KCNMA1: variants seen among roughly 807,000 people sequenced by gnomAD.
The protein encoded by KCNMA1 is potassium calcium-activated channel subfamily M alpha 1.
KCNMA1 carries 29 observed loss-of-function variants against 140.0 expected under a neutral mutation model. The ratio of observed to expected loss-of-function variants is 0.21; its 90% CI spans 0.15 to 0.28. The LOEUF is 0.28. Among genes scored for constraint, KCNMA1 ranks in the 10% least tolerant of loss-of-function variants. KCNMA1 has a pLI of 1.00. For missense variants in KCNMA1, 880 were observed against 1,602.2 expected (o/e 0.55, Z 7.70); for synonymous variants, 612 against 611.9 (o/e 1.00, Z 0.00).
chr10:76,996,942 C>A (rs891741591), intron 19 of KCNMA1, among the ~76,000 whole-genome samples: 28 of 152,108 alleles, frequency 1.8e-4, no homozygotes, highest in African/African-American at 6.3e-4. Context: ...AATTAACTCT[C>A]CTTTAACAGG....
Position 77,544,150 on chromosome 10 carries a change from C to CTCTG in KCNMA1, c.378+93114_378+93115insCAGA, listed in dbSNP as rs1555434748. Among the ~76,000 whole-genome samples, 1,051 of 142,550 alleles carry CTCTG rather than the reference C, an allele frequency of 7.4e-3. 9 individuals carry two copies. The highest frequency in any genetic ancestry group is 0.014 in the African/African-American group (550 of 38,214). The allele number at this position is 142,550 out of a possible 152,430, so 93.5% of individuals were successfully genotyped here. ...ATCTGTGATCTACATATCTTTCCAG[C>CTCTG]TGTGTGTGTGTGTGTGTGTGTGTGT... On this transcript the variant is annotated intron_variant, in intron 1 of 27. Transcript: ENST00000286628.
chr10:76,948,005 T>G (rs970891877), intron 22 of KCNMA1, among the ~76,000 whole-genome samples: 4 of 150,900 alleles, frequency 2.7e-5, no homozygotes, highest in African/African-American at 9.8e-5. Context: ...GTTTCTTGTT[T>G]TGTTTTTGTT....
At chr10:77,024,859 G>A (rs1033244282) in intron 16 of KCNMA1, among the ~76,000 whole-genome samples, 6 of 152,076 alleles carry the variant, frequency 3.9e-5, no homozygotes, top group Non-Finnish European at 7.4e-5. Flanking sequence ...AAAAATAGAA[G>A]TGTAAGGGCT....
chr10:77,224,256 G>A (rs1443177435), intron 3 of KCNMA1, among the ~76,000 whole-genome samples: 1 of 152,202 alleles, frequency 6.6e-6, no homozygotes, highest in African/African-American at 2.4e-5. Flanking sequence ...ATGGCCCATA[G>A]CCCCAGACTG....
At chr10:77,082,324 G>A (rs552569375) in intron 12 of KCNMA1, among the ~76,000 whole-genome samples, 28 of 152,072 alleles carry the variant, frequency 1.8e-4, no homozygotes, top group Non-Finnish European at 3.4e-4. Context: ...ACTGAGCCCC[G>A]CCCTTGACCA....
chr10:77,501,676 T>C (rs1406903311), intron 1 of KCNMA1, among the ~76,000 whole-genome samples: 1 of 152,194 alleles, frequency 6.6e-6, no homozygotes, highest in African/African-American at 2.4e-5. Context: ...CCCTCGTCTC[T>C]GCAGAAGAGA....
chr10:77,237,147 C>G (rs1219944095), intron 3 of KCNMA1, among the ~76,000 whole-genome samples: 1 of 152,156 alleles, frequency 6.6e-6, no homozygotes, highest in Non-Finnish European at 1.5e-5. Flanking sequence ...CAAAACAGAC[C>G]TCAAAAAGAA....
intron 23 of KCNMA1, among the ~76,000 whole-genome samples, chr10:76,935,669 A>G (rs2060373008): frequency 6.6e-6 from 1 of 152,196 alleles, no homozygotes; most frequent in Admixed American, 6.5e-5. Flanking sequence ...ACAAATTTTG[A>G]GGAGTAAACT....
chr10:76,882,814 T>A (rs1346883678), downstream of KCNMA1, among the ~76,000 whole-genome samples: 1 of 152,170 alleles, frequency 6.6e-6, no homozygotes, highest in African/African-American at 2.4e-5. Context: ...TGGGAGACAG[T>A]CAGCCAGTGT....
At chr10:77,580,603 G>A (rs888446909) in intron 1 of KCNMA1, among the ~76,000 whole-genome samples, 15 of 152,172 alleles carry the variant, frequency 9.9e-5, no homozygotes, top group African/African-American at 3.1e-4. Flanking sequence ...ACACTTCTAG[G>A]AGGTAGGTGT....
chr10:77,632,201 AT>A (rs970972650), intron 1 of KCNMA1, among the ~76,000 whole-genome samples: 5 of 151,934 alleles, frequency 3.3e-5, no homozygotes, highest in Non-Finnish European at 7.4e-5. Context: ...ATGCCTGCTG[AT>A]TTTTTTTCAC....
chr10:77,600,874 C>T (rs771814722), intron 1 of KCNMA1, among the ~76,000 whole-genome samples: 3 of 152,202 alleles, frequency 2.0e-5, no homozygotes, highest in Non-Finnish European at 4.4e-5. Flanking sequence ...CCAAGGGCTT[C>T]TGTTCCAGTC....
chr10:77,023,808 A>G (rs2093125291), intron 16 of KCNMA1, among the ~76,000 whole-genome samples: 1 of 152,158 alleles, frequency 6.6e-6, no homozygotes, highest in Non-Finnish European at 1.5e-5. Flanking sequence ...ACAACTAGAC[A>G]CACACACTTT....
intron 1 of KCNMA1, among the ~76,000 whole-genome samples, chr10:77,580,258 G>A (rs1243302117): frequency 6.6e-6 from 1 of 151,852 alleles, no homozygotes; most frequent in African/African-American, 2.4e-5. Flanking sequence ...GCGGGCGCCT[G>A]TAGTCCCAGC....
In KCNMA1 at chr10:77,338,416, C is replaced by T. The variant is rs569982160; in HGVS notation, c.540+65446G>A. 2.5e-4 allele frequency among the ~76,000 whole-genome samples: 38 copies of T among 152,286 alleles called. 1 individual carries two copies. The South Asian group carries it at 3.7e-3, about 15-fold the overall frequency. ...CAGGGTGGGGCTTTTTCTCTTTGCC[C>T]GGGATGGCTCTGCCTCCATCTCTCT... is the stretch of plus-strand genomic sequence containing the variant. On this transcript the variant is annotated intron_variant, in intron 2 of 27. Transcript: ENST00000286628.
chr10:77,146,649 C>T (rs1419322483), intron 5 of KCNMA1, among the ~76,000 whole-genome samples: 3 of 122,696 alleles, frequency 2.4e-5, no homozygotes, highest in African/African-American at 9.3e-5. Flanking sequence ...TTGCAGTGAG[C>T]GGAGATGGTG....
intron 1 of KCNMA1, among the ~76,000 whole-genome samples, chr10:77,570,669 A>T (rs1448298627): frequency 6.6e-6 from 1 of 150,612 alleles, no homozygotes; most frequent in South Asian, 2.1e-4. Context: ...GCGCACCAGC[A>T]TGGCACATGT....
intron 23 of KCNMA1, among the ~76,000 whole-genome samples, chr10:76,918,125 T>C (rs2053741772): frequency 6.6e-6 from 1 of 152,166 alleles, no homozygotes; most frequent in South Asian, 2.1e-4. Flanking sequence ...TCTCTCTACA[T>C]TAAACAACGC....
At chr10:77,257,670 G>A (rs1200931420) in intron 2 of KCNMA1, among the ~76,000 whole-genome samples, 2 of 152,160 alleles carry the variant, frequency 1.3e-5, no homozygotes, top group African/African-American at 4.8e-5. Context: ...CCCACGTGTT[G>A]TGGGAGGGAC....
Sources: allele counts gnomAD v4.1 joint callset (sites outside exome capture counted in the v4.1 genomes callset), GRCh38; gene constraint gnomAD v4.1.1; transcripts MANE v1.5; gene names NCBI Gene and HGNC (gene_info 2026-07-23, HGNC 2026-07-21).